Variants in DNAH9 observed in about 807,000 individuals in gnomAD.
The protein encoded by DNAH9 is DNAH9 variant protein.
DNAH9 carries 345 observed loss-of-function variants against 471.6 expected under a neutral mutation model. That is an observed-to-expected ratio of 0.73 (90% CI 0.67 to 0.80). The LOEUF (loss-of-function observed/expected upper bound fraction) is 0.80. Among genes scored for constraint, DNAH9 ranks in the 30% least tolerant of loss-of-function variants. The probability of loss-of-function intolerance (pLI) is 0.00; values close to 1 mark genes in which losing one functional copy is unlikely to be tolerated. For synonymous variants in DNAH9, 2,093 were observed against 2,123.6 expected (o/e 0.99, Z 0.40); for missense variants, 5,407 against 5,609.2 (o/e 0.96, Z 1.15).
intron 50 of DNAH9, among the ~76,000 whole-genome samples, chr17:11,860,884 T>C (rs906449467): frequency 2.6e-5 from 4 of 152,266 alleles, no homozygotes; most frequent in Middle Eastern, 3.4e-3. Flanking sequence ...TTTTATGCTT[T>C]TGTCTGGTGA....
chr17:11,868,349 T>C (rs1327176377), intron 50 of DNAH9, among the ~76,000 whole-genome samples: 1 of 152,196 alleles, frequency 6.6e-6, no homozygotes, highest in African/African-American at 2.4e-5. Context: ...CCCCAGTTAT[T>C]GCACAGACCT....
chr17:11,707,239 G>A (rs1410971989), intron 26 of DNAH9, among the ~76,000 whole-genome samples: 1 of 152,226 alleles, frequency 6.6e-6, no homozygotes, highest in African/African-American at 2.4e-5. Context: ...TGAATGACTT[G>A]TAGGTAATGA....
In DNAH9 at chr17:11,628,271, G is replaced by A. The variant is rs536818431; in HGVS notation, c.1351-1146G>A. ...CTCAGGAGGAAGCTCCAATCCTATC[G>A]GAGGTGAGGCAGCTTCCGTGGACTC... On this transcript the variant is annotated intron_variant, in intron 6 of 68. Coordinates refer to ENST00000262442, the MANE Select transcript of DNAH9 (RefSeq NM_001372.4). 1.4e-4 allele frequency among the ~76,000 whole-genome samples: 21 copies of A among 152,268 alleles called. No individual in the cohort carries two copies. The South Asian group carries it at 3.5e-3, about 26-fold the overall frequency.
Position 11,951,089 on chromosome 17 carries a change from T to A in DNAH9, c.12843+8604T>A, listed in dbSNP as rs2151440399. ...TTTCCATAGATGCACCCAAATTTCATACAACCCCAAACAATTTTGTATAGA... is the reference window on the plus strand; with the variant it reads ...TTTCCATAGATGCACCCAAATTTCAAACAACCCCAAACAATTTTGTATAGA... On this transcript the variant is annotated intron_variant, in intron 67 of 68. Transcript: ENST00000262442. 1.3e-5 allele frequency among the ~76,000 whole-genome samples: 2 copies of A among 152,294 alleles called. 1 individual carries two copies. Among genetic ancestry groups the A allele is most frequent in the South Asian group, 4.1e-4 (2 of 4,824 alleles).
At chr17:11,721,484 T>G (rs1309495295) in intron 27 of DNAH9, among the ~76,000 whole-genome samples, 1 of 152,126 alleles carries the variant, frequency 6.6e-6, no homozygotes, top group Non-Finnish European at 1.5e-5. Context: ...TCCTCTACCT[T>G]TGTTTTCTGG....
chr17:11,602,356 A>G (rs1172017397), intron 1 of DNAH9, among the ~76,000 whole-genome samples: 1 of 152,128 alleles, frequency 6.6e-6, no homozygotes. Context: ...ATCCTATTTA[A>G]AATCCTCCTC....
At chr17:11,762,758 G>GTTTTTTTTTTTTTTTTTTTTT (rs111963634) in intron 35 of DNAH9, among the ~76,000 whole-genome samples, 11 of 94,768 alleles carry the variant, frequency 1.2e-4, no homozygotes, top group Admixed American at 4.1e-4. Flanking sequence ...CTTTAGGTGC[G>GTTTTTTTTTTTTTTTTTTTTT]TTTTTTTTTT....
At chr17:11,658,543 C>T (rs1033379389) in intron 14 of DNAH9, among the ~76,000 whole-genome samples, 37 of 151,416 alleles carry the variant, frequency 2.4e-4, no homozygotes, top group African/African-American at 8.7e-4. Context: ...TTCAGTATAA[C>T]GTTGAAGTGG....
Position 11,886,981 on chromosome 17 carries a change from A to G in DNAH9, c.11112+16A>G, listed in dbSNP as rs1197039243. 1 of 1,604,610 alleles carries G rather than the reference A, an allele frequency of 6.2e-7. No homozygotes were observed. Among genetic ancestry groups the G allele is most frequent in the East Asian group, 2.3e-5 (1 of 44,444 alleles). Reference sequence around the variant, plus strand: ...TTCTCTCAAGGTGACTTACACCTGGAGTTTCTTGCCTGATTATAATAAAGC... The same window carrying G: ...TTCTCTCAAGGTGACTTACACCTGGGGTTTCTTGCCTGATTATAATAAAGC... On this transcript the variant is annotated intron_variant, in intron 57 of 68. Transcript: ENST00000262442.
chr17:11,952,732 T>C (rs1056601879), intron 67 of DNAH9, among the ~76,000 whole-genome samples: 10 of 152,266 alleles, frequency 6.6e-5, no homozygotes, highest in Non-Finnish European at 7.3e-5. Context: ...AAGGCCATTT[T>C]TTTTTCCATT....
intron 2 of DNAH9, among the ~76,000 whole-genome samples, chr17:11,608,634 A>G (rs1449794604): frequency 6.6e-6 from 1 of 152,136 alleles, no homozygotes; most frequent in Non-Finnish European, 1.5e-5. Context: ...TTATCAGGAT[A>G]GTGTCTCATC....
At chr17:11,686,139 C>T (rs973428315) in intron 19 of DNAH9, among the ~76,000 whole-genome samples, 4 of 152,000 alleles carry the variant, frequency 2.6e-5, no homozygotes, top group African/African-American at 4.8e-5. Flanking sequence ...GGTATGACAC[C>T]GTTCATGGTA....
At chr17:11,761,286 C>A (rs1320456837) in intron 35 of DNAH9, among the ~76,000 whole-genome samples, 1 of 152,222 alleles carries the variant, frequency 6.6e-6, no homozygotes, top group Non-Finnish European at 1.5e-5. Context: ...CAGCTCAGGA[C>A]TGCAATGGGA....
intron 43 of DNAH9, among the ~76,000 whole-genome samples, chr17:11,800,829 G>A (rs1472933933): frequency 1.3e-5 from 2 of 152,162 alleles, no homozygotes; most frequent in East Asian, 1.9e-4. Flanking sequence ...GATAAGTGCC[G>A]GGATCCTAAC....
chr17:11,822,458 T>A lies in DNAH9; in HGVS notation c.8871T>A (p.Pro2957=), dbSNP rs1198391672. 6.2e-7 allele frequency: 1 copy of A among 1,613,964 alleles called. No individual in the cohort carries two copies. Among genetic ancestry groups the A allele is most frequent in the Non-Finnish European group, 8.5e-7 (1 of 1,179,936 alleles). Residue 2957 remains proline, a synonymous_variant, in exon 47 of 69, where the codon CCT becomes CCA. Coordinates refer to ENST00000262442, the MANE Select transcript of DNAH9 (RefSeq NM_001372.4). The stretch of plus-strand genomic sequence containing the variant: ...CTCAGGTGACTCTCTGTTTCTCCCC[T>A]GTGGGAAACAAGCTAAGAGTCCGCA... ...RQLKVTLCFS[P]VGNKLRVRSR...
intron 62 of DNAH9, among the ~76,000 whole-genome samples, chr17:11,929,503 A>G (rs1179919281): frequency 6.6e-6 from 1 of 152,196 alleles, no homozygotes; most frequent in Non-Finnish European, 1.5e-5. Context: ...TCCCATGCAC[A>G]GGCAAGTTTA....
At chr17:11,770,506 A>T (rs1359334607) in intron 38 of DNAH9, among the ~76,000 whole-genome samples, 1 of 152,134 alleles carries the variant, frequency 6.6e-6, no homozygotes, top group Non-Finnish European at 1.5e-5. Flanking sequence ...GAGCATGTGG[A>T]CAGAGATTCC....
At chr17:11,942,526 A>G (rs1161384316) in intron 67 of DNAH9, 41 bp downstream of exon 67, 1 of 1,584,856 alleles carries the variant, frequency 6.3e-7, no homozygotes. Context: ...ACATTGCTAG[A>G]GGACACAGAT....
At chr17:11,851,519 A>G (rs770790736) in intron 49 of DNAH9, among the ~76,000 whole-genome samples, 13 of 152,194 alleles carry the variant, frequency 8.5e-5, no homozygotes, top group African/African-American at 2.2e-4. Context: ...TGGCAAGTCA[A>G]TACACTGAAA....
Sources: gnomAD v4.1 joint callset for allele counts (sites outside exome capture counted in the v4.1 genomes callset) on GRCh38, gnomAD v4.1.1 for gene constraint, MANE v1.5 for transcripts, NCBI Gene and HGNC (gene_info 2026-07-23, HGNC 2026-07-21) for gene names.